Variants in TIMM21 observed in about 807,000 individuals in gnomAD.
TIMM21 encodes mitochondrial import inner membrane translocase subunit Tim21.
In TIMM21, 30 loss-of-function variants were observed where a neutral mutation model predicts 27.7. The ratio of observed to expected loss-of-function variants is 1.08; its 90% confidence interval spans 0.81 to 1.47. TIMM21 has a LOEUF of 1.47. Ranked by LOEUF, TIMM21 falls within the 40% of genes most tolerant of loss-of-function variation. The probability of loss-of-function intolerance (pLI) is 0.00; values close to 1 mark genes in which losing one functional copy is unlikely to be tolerated. For missense variants in TIMM21, 292 were observed against 302.9 expected (o/e 0.96, Z 0.27); for synonymous variants, 121 against 114.4 (o/e 1.06, Z -0.37).
At chr18:74,157,803 G>T (rs1216060745) in intron 3 of TIMM21, 4 of 558,634 alleles carry the variant, frequency 7.2e-6, no homozygotes, top group Non-Finnish European at 1.3e-5. Flanking sequence ...CACCTAGTTG[G>T]CCAGGCTAGT....
chr18:74,151,938 C>CTCCA (rs367622334), intron 1 of TIMM21, among the ~76,000 whole-genome samples: 1 of 67,308 alleles, frequency 1.5e-5, no homozygotes, highest in African/African-American at 7.2e-5. Context: ...TGTCTATGTT[C>CTCCA]CCCCCCCCCC....
At chr18:74,150,887 G>A (rs116394928) in intron 1 of TIMM21, among the ~76,000 whole-genome samples, 1 of 152,130 alleles carries the variant, frequency 6.6e-6, no homozygotes, top group African/African-American at 2.4e-5. Context: ...TCCTATCTTG[G>A]TCACCGAAAG....
At chr18:74,150,558 C>T (rs1476973813) in intron 1 of TIMM21, among the ~76,000 whole-genome samples, 1 of 152,182 alleles carries the variant, frequency 6.6e-6, no homozygotes, top group Admixed American at 6.5e-5. Context: ...TAAACATACA[C>T]TGTTATTATC....
chr18:74,151,563 C>A (rs991258260), intron 1 of TIMM21, among the ~76,000 whole-genome samples: 5 of 152,176 alleles, frequency 3.3e-5, no homozygotes, highest in Admixed American at 2.0e-4. Context: ...GTCAGGGCAT[C>A]CTGCTCTATA....
Position 74,158,003 on chromosome 18 carries a change from T to G in TIMM21, c.463-11T>G, listed in dbSNP as rs753347397. 2 of 1,613,978 alleles carry G rather than the reference T, an allele frequency of 1.2e-6. No individual in the cohort carries two copies. Among genetic ancestry groups the G allele is most frequent in the South Asian group, 2.2e-5 (2 of 91,078 alleles). ...AATAACACAAAATAAAGCACTGTCC[T>G]TGTTCTGCAGGTGATCGGTGTCTTT... On this transcript the variant is annotated splice_polypyrimidine_tract_variant and intron_variant, in intron 3 of 5. Coordinates refer to ENST00000169551, the MANE Select transcript of TIMM21 (RefSeq NM_014177.3).
chr18:74,151,339 G>A (rs1205954254), intron 1 of TIMM21, among the ~76,000 whole-genome samples: 1 of 152,192 alleles, frequency 6.6e-6, no homozygotes, highest in Non-Finnish European at 1.5e-5. Flanking sequence ...AATTTCTCAT[G>A]ACTGTGTAAT....
rs1189965930 is a variant in TIMM21 at position 74,158,032 on chromosome 18, G to A, written c.481G>A (p.Glu161Lys). ...TCTGCAGGTGATCGGTGTCTTTGGT[G>A]AGTCTGTTAAAGGCTATGGGGAGGT... ...SHPEVIGVFGESVKGYGEVTR... is the reference protein window; with the variant it reads ...SHPEVIGVFGKSVKGYGEVTR... Residue 161 changes from glutamate (E) to lysine (K), a missense_variant, in exon 4 of 6, where the codon GAG becomes AAG. Transcript: ENST00000169551. The A allele has an allele frequency of 1.9e-6, 3 of 1,614,218 alleles. No homozygotes were observed. The highest frequency in any genetic ancestry group is 2.5e-6 in the Non-Finnish European group (3 of 1,180,040).
chr18:74,158,861 A>ACG lies in TIMM21; in HGVS notation c.*381_*382insCG. 4 of 188,966 alleles carry ACG rather than the reference A, an allele frequency of 2.1e-5. No homozygotes were observed. Among genetic ancestry groups the ACG allele is most frequent in the South Asian group, 1.0e-4 (1 of 9,860 alleles). 11.7% of individuals were successfully genotyped at this position (188,966 alleles called of 1,614,324 possible). On this transcript the variant is annotated 3_prime_UTR_variant, in exon 6 of 6. Coordinates refer to ENST00000169551, the MANE Select transcript of TIMM21 (RefSeq NM_014177.3). ...AATTAAAACTAACAAATATGTCATT[A>ACG]GCAGCTGCCCTCCGCATACTTTGGA...
In TIMM21 at chr18:74,158,665, A is replaced by G. The variant is rs1980025152; in HGVS notation, c.*185A>G. Reference sequence around the variant, plus strand: ...TTACGGAAAAATTATGAAATACAGCATATTTTATGTTCTCCCATTGACTCA... The same window carrying G: ...TTACGGAAAAATTATGAAATACAGCGTATTTTATGTTCTCCCATTGACTCA... On this transcript the variant is annotated 3_prime_UTR_variant, in exon 6 of 6. Coordinates refer to ENST00000169551, the MANE Select transcript of TIMM21 (RefSeq NM_014177.3). 1.9e-6 allele frequency: 1 copy of G among 523,570 alleles called. No individual in the cohort carries two copies. The highest frequency in any genetic ancestry group is 3.4e-6 in the Non-Finnish European group (1 of 291,888). 32.4% of individuals were successfully genotyped at this position (523,570 alleles called of 1,614,324 possible).
At chr18:74,153,552 G>A (rs1274095995) in intron 1 of TIMM21, among the ~76,000 whole-genome samples, 5 of 152,182 alleles carry the variant, frequency 3.3e-5, no homozygotes, top group East Asian at 1.9e-4. Context: ...ATGAGATGTC[G>A]TCATTGTAGG....
chr18:74,157,012 A>G (rs1334969404), intron 3 of TIMM21: 1 of 152,204 alleles, frequency 6.6e-6, no homozygotes, highest in African/African-American at 2.4e-5. Flanking sequence ...TTTATCCTGG[A>G]AAATGTGATA....
rs143634937 is a variant in TIMM21, at chr18:74,155,626, G to C, written c.462+223G>C. The C allele has an allele frequency of 1.3e-3, 633 of 487,368 alleles. 5 individuals carry two copies. The highest frequency in any genetic ancestry group is 0.012 in the African/African-American group (593 of 50,516). 30.2% of individuals were successfully genotyped at this position (487,368 alleles called of 1,614,324 possible). A position where few individuals can be genotyped will look rare whatever the true frequency, so the allele number is the denominator to read the frequency against. Reference sequence around the variant, plus strand: ...GCTAATTGTACAAGACAGTCATTTTGCTGGTTGTTCATAGATACTAAATTT... The same window carrying C: ...GCTAATTGTACAAGACAGTCATTTTCCTGGTTGTTCATAGATACTAAATTT... On this transcript the variant is annotated intron_variant, in intron 3 of 5. Coordinates refer to ENST00000169551, the MANE Select transcript of TIMM21 (RefSeq NM_014177.3).
intron 1 of TIMM21, among the ~76,000 whole-genome samples, chr18:74,153,734 T>C (rs1979871885): frequency 6.6e-6 from 1 of 152,262 alleles, no homozygotes; most frequent in Non-Finnish European, 1.5e-5. Flanking sequence ...AAGACTACTT[T>C]TAAACAAGCG....
At position 74,158,503 on chromosome 18, in the gene TIMM21, G is replaced by T; in HGVS notation, c.*23G>T. On this transcript the variant is annotated 3_prime_UTR_variant, in exon 6 of 6. Coordinates refer to ENST00000169551, the MANE Select transcript of TIMM21 (RefSeq NM_014177.3). ...TAAAATAGGGTTTCTGATGGATGTT[G>T]AATGGCGTGGACTCGCTACTCCGTT... 7.8e-7 allele frequency: 1 copy of T among 1,277,722 alleles called. No homozygotes were observed. The highest frequency in any genetic ancestry group is 1.2e-5 in the South Asian group (1 of 81,960). 79.1% of individuals were successfully genotyped at this position (1,277,722 alleles called of 1,614,324 possible).
chr18:74,159,069 C>T lies in TIMM21; in HGVS notation c.*589C>T, dbSNP rs1259888443. On this transcript the variant is annotated 3_prime_UTR_variant, in exon 6 of 6. Transcript: ENST00000169551. ...AAGTTGGGTAGACCTGGGCACCCAC[C>T]CCACCTTTTCTAGCAGGTGCGTGGT... 1.3e-5 allele frequency: 2 copies of T among 153,916 alleles called. No homozygotes were observed. Among genetic ancestry groups the T allele is most frequent in the Non-Finnish European group, 1.4e-5 (1 of 69,528 alleles). The allele number at this position is 153,916 out of a possible 1,614,324, so 9.5% of individuals were successfully genotyped here. A position where few individuals can be genotyped will look rare whatever the true frequency, so the allele number is the denominator to read the frequency against.
In TIMM21 at chr18:74,152,035, G is replaced by GGAGAGCCCTCCC. The variant is rs1361050381; in HGVS notation, c.301+2937_301+2938insCGAGAGCCCTCC. ...TTGTAACTTGGCCAGGAGGGGAGGTGGAGAGCCCTCCTGAGAGCAGCACGT... is the reference window on the plus strand; with the variant it reads ...TTGTAACTTGGCCAGGAGGGGAGGTGGAGAGCCCTCCCGAGAGCCCTCCTGAGAGCAGCACGT... On this transcript the variant is annotated intron_variant, in intron 1 of 5. Transcript: ENST00000169551. The surrounding 1 kb of genome is among the most constrained non-coding windows in gnomAD (Gnocchi z 4.1). Among the ~76,000 whole-genome samples, 2 of 151,760 alleles carry GGAGAGCCCTCCC rather than the reference G, an allele frequency of 1.3e-5. No individual in the cohort carries two copies.
chr18:74,150,056 T>C (rs1979757783), intron 1 of TIMM21, among the ~76,000 whole-genome samples: 1 of 152,176 alleles, frequency 6.6e-6, no homozygotes, highest in Admixed American at 6.5e-5. Flanking sequence ...GTCTTTTACT[T>C]GGGAGGGCAT....
At position 74,148,862 on chromosome 18, in the gene TIMM21, C is replaced by T; in HGVS notation, c.54C>T (p.Ser18=). ...AVQYTEKLHR[S]SAKRLLLPYI... ...AGTATACGGAGAAGCTGCACAGGTCCTCGGCAAAGCGATTGCTTTTGCCAT... is the reference window on the plus strand; with the variant it reads ...AGTATACGGAGAAGCTGCACAGGTCTTCGGCAAAGCGATTGCTTTTGCCAT... The change falls in exon 1 of 6, where the codon TCC becomes TCT. Residue 18 remains serine (S), a synonymous_variant. Transcript: ENST00000169551. The T allele has an allele frequency of 6.2e-7, 1 of 1,614,092 alleles. No homozygotes were observed. The highest frequency in any genetic ancestry group is 8.5e-7 in the Non-Finnish European group (1 of 1,179,964).
At position 74,158,717 on chromosome 18, in the gene TIMM21, C is replaced by A; in HGVS notation, c.*237C>A. 2.5e-6 allele frequency: 1 copy of A among 398,050 alleles called. No individual in the cohort carries two copies. The highest frequency in any genetic ancestry group is 3.1e-5 in the South Asian group (1 of 32,782). 24.7% of individuals were successfully genotyped at this position (398,050 alleles called of 1,614,324 possible). ...TCATGACAATATTTCTGCTTTAACA[C>A]CATCTTTCATGATTAGAAATGTTTG... On this transcript the variant is annotated 3_prime_UTR_variant, in exon 6 of 6. Transcript: ENST00000169551.
Sources: allele counts gnomAD v4.1 joint callset (sites outside exome capture counted in the v4.1 genomes callset), GRCh38; gene constraint gnomAD v4.1.1; non-coding constraint Gnocchi (gnomAD v3.1); transcripts MANE v1.5; gene names NCBI Gene and HGNC (gene_info 2026-07-23, HGNC 2026-07-21).